Variants in MARCHF1 observed in about 807,000 individuals in gnomAD.
The protein encoded by MARCHF1 is membrane associated ring-CH-type finger 1, also known as E3 ubiquitin-protein ligase MARCHF1.
MARCHF1 carries 40 observed loss-of-function variants against 54.2 expected under a neutral mutation model. That is an observed-to-expected ratio of 0.74 (90% CI 0.57 to 0.96). The LOEUF is 0.96. MARCHF1 is among the 40% of genes least tolerant of loss of function. The pLI is 0.00. For missense variants in MARCHF1, 586 were observed against 656.5 expected (o/e 0.89, Z 1.17); for synonymous variants, 236 against 236.3 (o/e 1.00, Z 0.01).
At chr4:163,868,039 C>A (rs1004911356) in intron 3 of MARCHF1, among the ~76,000 whole-genome samples, 1 of 151,786 alleles carries the variant, frequency 6.6e-6, no homozygotes, top group Admixed American at 6.6e-5. Flanking sequence ...CACCAGAAGG[C>A]CTTTTGCATT....
chr4:164,015,058 A>G (rs1296415931), intron 2 of MARCHF1, among the ~76,000 whole-genome samples: 5 of 152,176 alleles, frequency 3.3e-5, no homozygotes, highest in African/African-American at 1.2e-4. Context: ...ATTTCAAATT[A>G]TACTACAAAG....
At chr4:164,301,569 C>A (rs1391935032) in intron 1 of MARCHF1, among the ~76,000 whole-genome samples, 1 of 151,938 alleles carries the variant, frequency 6.6e-6, no homozygotes, top group Non-Finnish European at 1.5e-5. Context: ...ATCATGAGCA[C>A]AAAACTGTTA....
chr4:164,132,981 G>A (rs911585717), intron 1 of MARCHF1, among the ~76,000 whole-genome samples: 8 of 152,134 alleles, frequency 5.3e-5, no homozygotes, highest in South Asian at 4.1e-4. Context: ...TCCTTTTGAC[G>A]TGAGATTCCA....
At chr4:164,075,273 C>T (rs539039077) in intron 2 of MARCHF1, among the ~76,000 whole-genome samples, 11 of 152,208 alleles carry the variant, frequency 7.2e-5, no homozygotes, top group Non-Finnish European at 1.5e-4. Context: ...CAAACTGTAT[C>T]CACACCCTTT....
chr4:163,857,674 T>C (rs915787783), intron 3 of MARCHF1, among the ~76,000 whole-genome samples: 1 of 152,172 alleles, frequency 6.6e-6, no homozygotes, highest in Admixed American at 6.5e-5. Context: ...CATAGTGCAT[T>C]CTCTGCGAAC....
At chr4:164,074,700 A>C (rs1579512489) in intron 2 of MARCHF1, among the ~76,000 whole-genome samples, 3 of 152,134 alleles carry the variant, frequency 2.0e-5, no homozygotes, top group South Asian at 2.1e-4. Context: ...TGTTTTGAAA[A>C]GAAATGAAAA....
chr4:164,308,964 A>T (rs201573695), intron 1 of MARCHF1, among the ~76,000 whole-genome samples: 2 of 95,976 alleles, frequency 2.1e-5, no homozygotes, highest in African/African-American at 9.0e-5. Flanking sequence ...AATAAAAGTT[A>T]AAAAAAAAAA....
At chr4:163,773,126 A>G (rs1331222056) in intron 4 of MARCHF1, among the ~76,000 whole-genome samples, 1 of 152,168 alleles carries the variant, frequency 6.6e-6, no homozygotes, top group Non-Finnish European at 1.5e-5. Flanking sequence ...CTGTTGCTGG[A>G]CAGTGCAGAG....
intron 1 of MARCHF1, among the ~76,000 whole-genome samples, chr4:164,223,890 A>G (rs1276620213): frequency 6.6e-6 from 1 of 150,554 alleles, no homozygotes; most frequent in African/African-American, 2.4e-5. Context: ...CTAAAAACCT[A>G]TTTAAATTAA....
chr4:163,698,493 G>A (rs1241676531), intron 5 of MARCHF1, among the ~76,000 whole-genome samples: 2 of 152,148 alleles, frequency 1.3e-5, no homozygotes, highest in Non-Finnish European at 2.9e-5. Context: ...ACTGGTTGAT[G>A]GTTGAGTGTT....
chr4:164,128,130 C>T (rs1278373608), intron 1 of MARCHF1, among the ~76,000 whole-genome samples: 1 of 152,030 alleles, frequency 6.6e-6, no homozygotes, highest in Non-Finnish European at 1.5e-5. Flanking sequence ...GGATCTATGT[C>T]TAACACCACA....
chr4:163,528,736 C>T lies in MARCHF1; in HGVS notation c.*12G>A, dbSNP rs1738233882. 6.3e-7 allele frequency: 1 copy of T among 1,594,940 alleles called. No individual in the cohort carries two copies. On this transcript the variant is annotated 3_prime_UTR_variant, in exon 10 of 10. Coordinates refer to ENST00000514618, the MANE Select transcript of MARCHF1 (RefSeq NM_001394959.1). ...AGATATTCTTCGGTGAAGAAACTCC[C>T]AACAGGTTCCATCAGACTGATACAA...
chr4:164,094,805 C>A (rs373714318), intron 2 of MARCHF1, among the ~76,000 whole-genome samples: 2 of 152,008 alleles, frequency 1.3e-5, no homozygotes, highest in Non-Finnish European at 2.9e-5. Flanking sequence ...AAAAAATATA[C>A]CTTCAGTTCA....
chr4:163,904,013 A>T (rs1317113198), intron 3 of MARCHF1, among the ~76,000 whole-genome samples: 2 of 152,344 alleles, frequency 1.3e-5, no homozygotes, highest in East Asian at 3.9e-4. Flanking sequence ...GGTTCTATTT[A>T]AAATTTCCAA....
intron 5 of MARCHF1, among the ~76,000 whole-genome samples, chr4:163,657,045 G>A (rs1325132341): frequency 6.6e-6 from 1 of 152,114 alleles, no homozygotes; most frequent in Non-Finnish European, 1.5e-5. Context: ...AGTATTGGAA[G>A]TTCTAGCCAG....
chr4:164,200,481 G>A (rs1383603116), intron 1 of MARCHF1, among the ~76,000 whole-genome samples: 1 of 152,074 alleles, frequency 6.6e-6, no homozygotes, highest in Non-Finnish European at 1.5e-5. Flanking sequence ...ACTGGTTCAA[G>A]TTTATTTATT....
intron 1 of MARCHF1, among the ~76,000 whole-genome samples, chr4:164,363,647 T>G (rs1237236480): frequency 6.6e-6 from 1 of 152,060 alleles, no homozygotes; most frequent in Non-Finnish European, 1.5e-5. Flanking sequence ...ACTCAAGAAG[T>G]AAAATAGTTT....
intron 1 of MARCHF1, among the ~76,000 whole-genome samples, chr4:164,161,296 C>A (rs899141062): frequency 3.3e-5 from 5 of 152,090 alleles, no homozygotes; most frequent in Non-Finnish European, 5.9e-5. Flanking sequence ...CCTGCTCCCC[C>A]TTCACCTTCT....
intron 3 of MARCHF1, among the ~76,000 whole-genome samples, chr4:163,959,508 C>A (rs1308140950): frequency 6.6e-6 from 1 of 151,848 alleles, no homozygotes; most frequent in Non-Finnish European, 1.5e-5. Flanking sequence ...AGGAATAAAA[C>A]CACACGTTTA....
Sources: gnomAD v4.1 joint callset for allele counts (sites outside exome capture counted in the v4.1 genomes callset) on GRCh38, gnomAD v4.1.1 for gene constraint, MANE v1.5 for transcripts, NCBI Gene and HGNC (gene_info 2026-07-23, HGNC 2026-07-21) for gene names.